The following LINC00305 variants were observed in gnomAD, a reference collection of about 807,000 sequenced individuals.
LINC00305 encodes long intergenic non-protein coding RNA 305.
At chr18:64,087,432 C>T (rs2051207455) in intron 3 of LINC00305, among the ~76,000 whole-genome samples, 1 of 152,102 alleles carries the variant, frequency 6.6e-6, no homozygotes, top group Admixed American at 6.5e-5. Context: ...GAAGCTCAAA[C>T]TTGAAAGTAA....
Position 64,144,846 on chromosome 18 carries a change from T to C in LINC00305, n.314+3929A>G, listed in dbSNP as rs148318389. Among the ~76,000 whole-genome samples, 196 of 152,246 alleles carry C rather than the reference T, an allele frequency of 1.3e-3. 3 individuals are homozygous for C. The East Asian group carries it at 0.032, about 25-fold the overall frequency. On this transcript the variant is annotated intron_variant and non_coding_transcript_variant, in intron 1 of 3. Transcript: ENST00000666468. ...TGCAGAGGGCCTATGAATGGACGTG[T>C]AGTCAGGGGGTTTTCACATCACCAA...
chr18:64,132,545 T>C (rs1192157795), intron 1 of LINC00305, among the ~76,000 whole-genome samples: 1 of 152,182 alleles, frequency 6.6e-6, no homozygotes, highest in African/African-American at 2.4e-5. Flanking sequence ...CATAATTGTA[T>C]TCACCCTTTA....
intron 1 of LINC00305, among the ~76,000 whole-genome samples, chr18:64,119,561 C>T (rs1376931879): frequency 6.6e-6 from 1 of 152,100 alleles, no homozygotes; most frequent in Non-Finnish European, 1.5e-5. Flanking sequence ...ACTGCTAGAA[C>T]TTCAGTTATT....
At chr18:64,087,392 G>C (rs946158354) in intron 3 of LINC00305, among the ~76,000 whole-genome samples, 1 of 152,154 alleles carries the variant, frequency 6.6e-6, no homozygotes, top group Non-Finnish European at 1.5e-5. Flanking sequence ...TATTACTAAA[G>C]ATGGTTAGTA....
At chr18:64,080,978 TAAAAG>T (rs1464309431) in intron 3 of LINC00305, among the ~76,000 whole-genome samples, 1 of 152,194 alleles carries the variant, frequency 6.6e-6, no homozygotes, top group Non-Finnish European at 1.5e-5. Flanking sequence ...ATTGTACAGA[TAAAAG>T]AAATTGGTCT....
intron 1 of LINC00305, among the ~76,000 whole-genome samples, chr18:64,134,593 G>A (rs1322743699): frequency 6.6e-6 from 1 of 152,028 alleles, no homozygotes; most frequent in Non-Finnish European, 1.5e-5. Flanking sequence ...TATCTAAATT[G>A]GTTTTAAATG....
chr18:64,128,599 G>A (rs1316639369), intron 1 of LINC00305, among the ~76,000 whole-genome samples: 1 of 151,954 alleles, frequency 6.6e-6, no homozygotes, highest in Non-Finnish European at 1.5e-5. Flanking sequence ...GAAATTCTCT[G>A]AATTTATGAT....
At chr18:64,080,473 T>C in intron 3 of LINC00305, 1 of 292,112 alleles carries the variant, frequency 3.4e-6, no homozygotes, top group Non-Finnish European at 7.1e-6. Flanking sequence ...TGATTCCAAA[T>C]TCATACATAC....
At chr18:64,110,200 G>T (rs1009782863) in intron 1 of LINC00305, among the ~76,000 whole-genome samples, 4 of 152,182 alleles carry the variant, frequency 2.6e-5, no homozygotes, top group African/African-American at 9.7e-5. Context: ...AGAAGACTTT[G>T]TATGAATAAG....
In LINC00305 at chr18:64,082,301, G is replaced by A. The variant is rs183375169; in HGVS notation, n.541-1899C>T. Among the ~76,000 whole-genome samples, 767 of 151,582 alleles carry A rather than the reference G, an allele frequency of 5.1e-3. 5 individuals are homozygous for A. Among genetic ancestry groups the A allele is most frequent in the Non-Finnish European group, 8.6e-3 (583 of 67,900 alleles). ...CAGGAACAGAAGACAACAGAACAGG[G>A]ACAGAAGACAACAGAGAGAACCCAC... On this transcript the variant is annotated intron_variant and non_coding_transcript_variant, in intron 3 of 3. Coordinates refer to ENST00000666468, the Ensembl canonical transcript of LINC00305.
chr18:64,095,122 G>A (rs1459856749), intron 3 of LINC00305, among the ~76,000 whole-genome samples: 1 of 152,024 alleles, frequency 6.6e-6, no homozygotes, highest in Non-Finnish European at 1.5e-5. Flanking sequence ...AATTAAAACA[G>A]CAAGGATGAC....
At chr18:64,135,789 T>A (rs1019978579) in intron 1 of LINC00305, among the ~76,000 whole-genome samples, 4 of 152,106 alleles carry the variant, frequency 2.6e-5, no homozygotes, top group Non-Finnish European at 5.9e-5. Context: ...TTCACCATGT[T>A]GGCCATGTTG....
At chr18:64,100,543 T>C (rs1316721753) in intron 1 of LINC00305, among the ~76,000 whole-genome samples, 1 of 152,194 alleles carries the variant, frequency 6.6e-6, no homozygotes, top group African/African-American at 2.4e-5. Flanking sequence ...TACCCTACTT[T>C]TACCCACATC....
intron 1 of LINC00305, among the ~76,000 whole-genome samples, chr18:64,139,180 TCTC>T (rs2051449478): frequency 6.6e-6 from 1 of 152,196 alleles, no homozygotes; most frequent in Admixed American, 6.5e-5. Context: ...CAATTCTTAA[TCTC>T]CTGAAAATCA....
At chr18:64,099,202 TG>T (rs1260366940) in intron 1 of LINC00305, among the ~76,000 whole-genome samples, 6 of 152,214 alleles carry the variant, frequency 3.9e-5, no homozygotes, top group Non-Finnish European at 8.8e-5. Context: ...CTGGAAACAT[TG>T]TTTTAATGTT....
intron 1 of LINC00305, among the ~76,000 whole-genome samples, chr18:64,143,734 C>A (rs767095907): frequency 0.053 from 5,914 of 112,452 alleles, 521 homozygotes; most frequent in Non-Finnish European, 0.087. Context: ...ACATGTATGT[C>A]CACATATTAT....
chr18:64,101,693 G>T (rs925900445), intron 1 of LINC00305, among the ~76,000 whole-genome samples: 1 of 152,114 alleles, frequency 6.6e-6, no homozygotes, highest in African/African-American at 2.4e-5. Flanking sequence ...TGGGTGGAAA[G>T]CTTCTTCTGG....
At chr18:64,112,527 T>A (rs910034150) in intron 1 of LINC00305, among the ~76,000 whole-genome samples, 80 of 152,202 alleles carry the variant, frequency 5.3e-4, no homozygotes, top group African/African-American at 1.9e-3. Flanking sequence ...TTTATTTTTA[T>A]TGAGAACAGA....
intron 1 of LINC00305, among the ~76,000 whole-genome samples, chr18:64,108,421 G>A (rs1377475756): frequency 1.3e-5 from 2 of 152,172 alleles, no homozygotes; most frequent in Non-Finnish European, 2.9e-5. Flanking sequence ...TGCACAGAGA[G>A]AAGGAAAGAT....
Sources: gnomAD v4.1 joint callset for allele counts (sites outside exome capture counted in the v4.1 genomes callset) on GRCh38, gnomAD v4.1.1 for gene constraint, MANE v1.5 for transcripts, NCBI Gene and HGNC (gene_info 2026-07-23, HGNC 2026-07-21) for gene names.